SBK2: variants seen among roughly 807,000 people sequenced by gnomAD.
SBK2 encodes the protein SH3 domain binding kinase family member 2.
In SBK2, 18 loss-of-function variants were observed where a neutral mutation model predicts 15.9. The ratio of observed to expected loss-of-function variants is 1.13; its 90% CI spans 0.78 to 1.68. SBK2 has a LOEUF of 1.68. Among genes scored for constraint, SBK2 ranks in the 40% most tolerant of loss-of-function variants. The pLI, the probability that SBK2 is intolerant of heterozygous loss-of-function variation, is 0.00. For synonymous variants in SBK2, 284 were observed against 246.8 expected (o/e 1.15, Z -1.41); for missense variants, 581 against 510.9 (o/e 1.14, Z -1.32).
chr19:55,536,848 G>A (rs1253487474), intron 1 of SBK2, among the ~76,000 whole-genome samples: 1 of 119,280 alleles, frequency 8.4e-6, no homozygotes, highest in Non-Finnish European at 1.7e-5. Context: ...CCTCTCTCCC[G>A]GAACCTCATA....
intron 2 of SBK2, among the ~76,000 whole-genome samples, chr19:55,535,338 C>T (rs1008974036): frequency 5.3e-5 from 8 of 152,138 alleles, no homozygotes; most frequent in Admixed American, 3.3e-4. Context: ...CACTGTGTGC[C>T]GGCCTTGCTA....
intron 2 of SBK2, 49 bp downstream of exon 2, chr19:55,535,993 G>T: frequency 1.4e-6 from 2 of 1,418,778 alleles, no homozygotes; most frequent in Admixed American, 2.8e-5. Context: ...CCAGGCCCGT[G>T]CCCCGCCCCC....
intron 2 of SBK2, among the ~76,000 whole-genome samples, chr19:55,533,822 G>C (rs1988333522): frequency 6.6e-6 from 1 of 152,042 alleles, no homozygotes; most frequent in Non-Finnish European, 1.5e-5. Context: ...ACGCCACCCG[G>C]TGTTGGCGAT....
chr19:55,531,720 G>A (rs1426141219), intron 2 of SBK2, among the ~76,000 whole-genome samples: 1 of 152,226 alleles, frequency 6.6e-6, no homozygotes, highest in Non-Finnish European at 1.5e-5. Flanking sequence ...GCTCACGCCT[G>A]TAATCCCAGT....
intron 3 of SBK2, 122 bp from the exon 4 acceptor site, chr19:55,530,445 G>A: frequency 1.2e-6 from 1 of 803,618 alleles, no homozygotes; most frequent in Non-Finnish European, 1.8e-6. Flanking sequence ...GGCCCTGTGA[G>A]GCCTAGTGTG....
intron 2 of SBK2, among the ~76,000 whole-genome samples, chr19:55,534,986 C>T (rs1988362435): frequency 6.6e-6 from 1 of 151,408 alleles, no homozygotes; most frequent in Admixed American, 6.6e-5. Context: ...GATTGTGCTA[C>T]TGCACTCCAG....
At chr19:55,531,102 C>G (rs771327717) in intron 3 of SBK2, 41 bp downstream of exon 3, 22 of 1,572,568 alleles carry the variant, frequency 1.4e-5, no homozygotes, top group Non-Finnish European at 1.7e-5. Context: ...CCTGGGAGGC[C>G]GGTGAGGCAC....
In SBK2 at chr19:55,529,787, C is replaced by G; in HGVS notation, c.993G>C (p.Gln331His). ...IREHLGRPWR[Q>H]REGEAEAVGA... ...CCACTGCCTCCGCCTCGCCCTCCCGCTGCCTCCAGGGGCGCCCCAGGTGCT... is the reference window on the plus strand; with the variant it reads ...CCACTGCCTCCGCCTCGCCCTCCCGGTGCCTCCAGGGGCGCCCCAGGTGCT... The change falls in exon 4 of 4, where the codon CAG becomes CAC. Residue 331 changes from glutamine to histidine, a missense_variant. Coordinates refer to ENST00000413299, the MANE Select transcript of SBK2 (RefSeq NM_001370096.2). 6.2e-7 allele frequency: 1 copy of G among 1,604,216 alleles called. No individual in the cohort carries two copies. The highest frequency in any genetic ancestry group is 2.2e-5 in the East Asian group (1 of 44,850).
intron 2 of SBK2, among the ~76,000 whole-genome samples, chr19:55,532,292 T>C (rs113680363): frequency 2.2e-5 from 3 of 137,706 alleles, no homozygotes; most frequent in African/African-American, 8.2e-5. Context: ...TTCTGATGTC[T>C]TCCTTTTTTT....
chr19:55,529,729 C>T lies in SBK2; in HGVS notation c.*4G>A. The T allele has an allele frequency of 1.3e-6, 2 of 1,599,204 alleles. No individual in the cohort carries two copies. The highest frequency in any genetic ancestry group is 2.2e-5 in the East Asian group (1 of 44,796). ...CTTCCCTTTCTGCATCCCCCGGGGC[C>T]TCCTCACTGCCCAGCCTCCTCTTCC... On this transcript the variant is annotated 3_prime_UTR_variant, in exon 4 of 4. Transcript: ENST00000413299.
chr19:55,529,861 GC>G lies in SBK2; in HGVS notation c.918del (p.Leu307CysfsTer12), dbSNP rs766313974. The G allele has an allele frequency of 8.6e-5, 138 of 1,600,774 alleles. 1 individual carries two copies. Among genetic ancestry groups the G allele is most frequent in the Non-Finnish European group, 8.5e-7 (1 of 1,177,140 alleles). ...CTCCTTCGGGGGTGAGGGTCCAGCA[GC>G]CCCCGCAGAAGCGCGTCGGCCGCGG... is the stretch of plus-strand genomic sequence containing the variant. The part of the protein sequence containing the change: ...LAAAADALLR[G>X]LLDPHPRRRS... On this transcript the variant is annotated frameshift_variant, in exon 4 of 4. Coordinates refer to ENST00000413299, the MANE Select transcript of SBK2 (RefSeq NM_001370096.2). LOFTEE classifies it low-confidence loss of function (END_TRUNC).
intron 2 of SBK2, among the ~76,000 whole-genome samples, chr19:55,534,760 C>G (rs1326567355): frequency 6.7e-6 from 1 of 149,230 alleles, no homozygotes; most frequent in East Asian, 2.0e-4. Context: ...CACAGTGGCT[C>G]ACACCTGTAA....
Position 55,531,021 on chromosome 19 carries a change from G to C in SBK2, c.456+122C>G, listed in dbSNP as rs1025392299. 1.3e-4 allele frequency: 110 copies of C among 856,952 alleles called. No homozygotes were observed. The African/African-American group carries it at 1.5e-3, about 12-fold the overall frequency. 53.1% of individuals were successfully genotyped at this position (856,952 alleles called of 1,614,324 possible). A position where few individuals can be genotyped will look rare whatever the true frequency, so the allele number is the denominator to read the frequency against. On this transcript the variant is annotated intron_variant, in intron 3 of 3. Transcript: ENST00000413299. Reference sequence around the variant, plus strand: ...TGTGGGCCCCACGAGGGGCCTCCGGGGGGTAGGGGAGGCCCAGGGAGGCCC... The same window carrying C: ...TGTGGGCCCCACGAGGGGCCTCCGGCGGGTAGGGGAGGCCCAGGGAGGCCC...
chr19:55,533,824 G>A (rs1988333570), intron 2 of SBK2, among the ~76,000 whole-genome samples: 1 of 152,060 alleles, frequency 6.6e-6, no homozygotes, highest in South Asian at 2.1e-4. Context: ...GCCACCCGGT[G>A]TTGGCGATCC....
intron 2 of SBK2, among the ~76,000 whole-genome samples, chr19:55,533,993 C>T (rs1369846591): frequency 6.6e-6 from 1 of 152,204 alleles, no homozygotes; most frequent in Non-Finnish European, 1.5e-5. Flanking sequence ...ATGCCCCCGC[C>T]TGTTACTGCT....
intron 2 of SBK2, among the ~76,000 whole-genome samples, chr19:55,531,919 CA>C (rs1281168763): frequency 2.6e-5 from 4 of 151,390 alleles, no homozygotes; most frequent in African/African-American, 9.7e-5. Flanking sequence ...GCAGAGGTTG[CA>C]GTGAGCCGAG....
Position 55,529,882 on chromosome 19 carries a change from C to T in SBK2, c.898G>A (p.Ala300Thr), listed in dbSNP as rs1468149428. Residue 300 changes from alanine (A) to threonine (T), a missense_variant, in exon 4 of 4, where the codon GCC becomes ACC. Physicochemically the swap from Ala to Thr is moderately conservative, Grantham distance 58. Transcript: ENST00000413299. ...PQPWFGLAAA[A>T]DALLRGLLDP... Reference sequence around the variant, plus strand: ...AGCAGCCCCCGCAGAAGCGCGTCGGCCGCGGCGGCCAGGCCGAACCAGGGC... The same window carrying T: ...AGCAGCCCCCGCAGAAGCGCGTCGGTCGCGGCGGCCAGGCCGAACCAGGGC... 6 of 1,586,692 alleles carry T rather than the reference C, an allele frequency of 3.8e-6. No homozygotes were observed. The highest frequency in any genetic ancestry group is 5.1e-6 in the Non-Finnish European group (6 of 1,169,720).
chr19:55,534,254 A>C (rs1988341254), intron 2 of SBK2, among the ~76,000 whole-genome samples: 1 of 152,116 alleles, frequency 6.6e-6, no homozygotes, highest in Non-Finnish European at 1.5e-5. Flanking sequence ...GTGTCCTTAT[A>C]AGAAGAGGAG....
intron 1 of SBK2, among the ~76,000 whole-genome samples, 170 bp from the exon 2 acceptor site, chr19:55,536,466 G>A (rs1988409073): frequency 6.7e-6 from 1 of 148,962 alleles, no homozygotes; most frequent in Admixed American, 6.7e-5. Context: ...TCTGGTGTGA[G>A]TTCAAGCCCC....
Sources: gnomAD v4.1 joint callset for allele counts (sites outside exome capture counted in the v4.1 genomes callset) on GRCh38, gnomAD v4.1.1 for gene constraint, MANE v1.5 for transcripts, NCBI Gene and HGNC (gene_info 2026-07-23, HGNC 2026-07-21) for gene names.